The following SHISA5 variants were observed in gnomAD, a reference collection of about 807,000 sequenced individuals.
SHISA5 encodes shisa family member 5.
In SHISA5, 21 loss-of-function variants were observed where a neutral mutation model predicts 27.5. The observed-to-expected ratio is 0.76, with a 90% CI of 0.54 to 1.10. SHISA5 has a LOEUF of 1.10. Among genes scored for constraint, SHISA5 ranks in the 50% least tolerant of loss-of-function variants. The pLI, the probability that SHISA5 is intolerant of heterozygous loss-of-function variation, is 0.00. For synonymous variants in SHISA5, 137 were observed against 142.2 expected, an observed-to-expected ratio of 0.96 and a Z score of 0.26; for missense variants, 314 against 336.3, an observed-to-expected ratio of 0.93 and a Z score of 0.52.
At chr3:48,485,794 T>C (rs1198242096) in intron 2 of SHISA5, among the ~76,000 whole-genome samples, 2 of 151,314 alleles carry the variant, frequency 1.3e-5, no homozygotes, top group Admixed American at 1.3e-4. Flanking sequence ...GCCTGACAGC[T>C]GAGGTCCTTT....
At position 48,468,992 on chromosome 3, in the gene SHISA5, A is replaced by C; in HGVS notation, c.*115T>G. 2 of 1,575,910 alleles carry C rather than the reference A, an allele frequency of 1.3e-6. No individual in the cohort carries two copies. Among genetic ancestry groups the C allele is most frequent in the Non-Finnish European group, 1.7e-6 (2 of 1,157,860 alleles). The stretch of plus-strand genomic sequence containing the variant: ...GACACACACAGCACACATGGGGCGT[A>C]AGGAACCGTGCCTGGACACACACAG... On this transcript the variant is annotated 3_prime_UTR_variant, in exon 6 of 6. Transcript: ENST00000296444.
At chr3:48,492,507 C>T (rs934507049) in intron 2 of SHISA5, among the ~76,000 whole-genome samples, 1 of 147,746 alleles carries the variant, frequency 6.8e-6, no homozygotes, top group Non-Finnish European at 1.5e-5. Context: ...TAGATGAGAT[C>T]ATGAGGGTGA....
chr3:48,468,958 T>G lies in SHISA5; in HGVS notation c.*149A>C. On this transcript the variant is annotated 3_prime_UTR_variant, in exon 6 of 6. Coordinates refer to ENST00000296444, the MANE Select transcript of SHISA5 (RefSeq NM_016479.6). ...TGTCAGCATCAGAGGAAGCCACATA[T>G]ACAGGCAGGACACACACAGCACACA... The G allele has an allele frequency of 6.3e-7, 1 of 1,578,018 alleles. No homozygotes were observed. Among genetic ancestry groups the G allele is most frequent in the Non-Finnish European group, 8.5e-7 (1 of 1,169,912 alleles).
intron 2 of SHISA5, chr3:48,479,498 CAGATTT>C: frequency 3.7e-6 from 2 of 533,748 alleles, no homozygotes; most frequent in Non-Finnish European, 6.7e-6. Flanking sequence ...CAAGTCTCAG[CAGATTT>C]TAGAAGACAG....
At chr3:48,503,982 C>G (rs1355524922) in intron 1 of SHISA5, 37 bp downstream of exon 1, 44 of 1,455,550 alleles carry the variant, frequency 3.0e-5, no homozygotes, top group Non-Finnish European at 4.0e-5. Context: ...TCTGCCCGGT[C>G]CCAGGGCAGG....
chr3:48,478,858 C>T lies in SHISA5; in HGVS notation c.314+319G>A, dbSNP rs192184392. On this transcript the variant is annotated intron_variant, in intron 3 of 5. Coordinates refer to ENST00000296444, the MANE Select transcript of SHISA5 (RefSeq NM_016479.6). ...TCGCATGCCCACTACAGCCCCTTCT[C>T]TGTCACTCCTGCCCCCATCGGGACC... is the stretch of plus-strand genomic sequence containing the variant. Among the ~76,000 whole-genome samples, 128 of 152,220 alleles carry T rather than the reference C, an allele frequency of 8.4e-4. 1 individual carries two copies. In the South Asian group the frequency reaches 8.5e-3, roughly 10 times the overall value.
chr3:48,502,240 A>G (rs2041778494), intron 1 of SHISA5: 1 of 368,770 alleles, frequency 2.7e-6, no homozygotes. Flanking sequence ...TGGGCACCAC[A>G]ACTGCAGGGG....
intron 3 of SHISA5, among the ~76,000 whole-genome samples, chr3:48,474,153 T>C (rs1346988329): frequency 6.6e-6 from 1 of 151,904 alleles, no homozygotes; most frequent in Non-Finnish European, 1.5e-5. Flanking sequence ...AGTGGCACGA[T>C]CACAGCTCAC....
At chr3:48,503,996 G>T in intron 1 of SHISA5, 23 bp downstream of exon 1, 1 of 1,458,072 alleles carries the variant, frequency 6.9e-7, no homozygotes, top group Non-Finnish European at 9.1e-7. Flanking sequence ...GGGCAGGACG[G>T]GCCGCCCCCA....
chr3:48,503,644 A>G (rs1468813443), intron 1 of SHISA5: 10 of 967,600 alleles, frequency 1.0e-5, no homozygotes, highest in Non-Finnish European at 1.3e-5. Flanking sequence ...ACAGAGGCAA[A>G]GAGGGAAGGC....
chr3:48,503,278 G>T, intron 1 of SHISA5: 1 of 832,578 alleles, frequency 1.2e-6, no homozygotes. Flanking sequence ...ATCAGTGACC[G>T]ACCCTCCTAC....
At chr3:48,488,839 A>T in intron 2 of SHISA5, among the ~76,000 whole-genome samples, 1 of 151,758 alleles carries the variant, frequency 6.6e-6, no homozygotes. Flanking sequence ...GTCTCAAAAA[A>T]AAAAAAAAAA....
chr3:48,497,066 T>C (rs536121361), intron 2 of SHISA5, among the ~76,000 whole-genome samples: 154 of 150,690 alleles, frequency 1.0e-3, no homozygotes, highest in African/African-American at 3.6e-3. Context: ...CCCATCTCTA[T>C]TAAAAATACA....
At chr3:48,480,392 A>G (rs2040970698) in intron 2 of SHISA5, among the ~76,000 whole-genome samples, 1 of 152,230 alleles carries the variant, frequency 6.6e-6, no homozygotes, top group African/African-American at 2.4e-5. Context: ...ATGATCACGA[A>G]GAAGTAATAA....
intron 2 of SHISA5, among the ~76,000 whole-genome samples, chr3:48,497,887 CAA>C (rs58891931): frequency 7.5e-6 from 1 of 132,928 alleles, no homozygotes; most frequent in Admixed American, 7.7e-5. Flanking sequence ...GAGACTGTCT[CAA>C]AAAAAAAAAA....
At chr3:48,486,573 ATATAT>A (rs1229103527) in intron 2 of SHISA5, among the ~76,000 whole-genome samples, 10 of 127,752 alleles carry the variant, frequency 7.8e-5, no homozygotes, top group African/African-American at 3.0e-4. Context: ...TATAGATTTT[ATATAT>A]TATATATTAT....
At position 48,504,163 on chromosome 3, in the gene SHISA5, G is replaced by C; in HGVS notation, c.-69C>G. On this transcript the variant is annotated 5_prime_UTR_variant, in exon 1 of 6. Transcript: ENST00000296444. This position sits in a 1 kb window ranked among gnomAD's most constrained non-coding sequence, Gnocchi z 4.0. ...AGTGCCGCCACAGCCTCAGTGATCC[G>C]CGCGGCCGCCCCTCTCCCTCGCCCC... is the stretch of plus-strand genomic sequence containing the variant. 1.3e-6 allele frequency: 1 copy of C among 747,696 alleles called. No homozygotes were observed. Among genetic ancestry groups the C allele is most frequent in the Non-Finnish European group, 1.9e-6 (1 of 539,668 alleles). The allele number at this position is 747,696 out of a possible 1,614,324, so 46.3% of individuals were successfully genotyped here. A position where few individuals can be genotyped will look rare whatever the true frequency, so the allele number is the denominator to read the frequency against.
rs2040578805 is a variant in SHISA5, at chr3:48,470,722, T to C, written c.315-879A>G. Among the ~76,000 whole-genome samples the C allele has an allele frequency of 6.6e-6, 1 of 152,154 alleles. No homozygotes were observed. The highest frequency in any genetic ancestry group is 6.5e-5 in the Admixed American group (1 of 15,270). ...AGGGCGGATCACCTGAGGTGAGGTGTTCGAGACCAGCCTGGCCAACATGGT... is the reference window on the plus strand; with the variant it reads ...AGGGCGGATCACCTGAGGTGAGGTGCTCGAGACCAGCCTGGCCAACATGGT... On this transcript the variant is annotated intron_variant, in intron 3 of 5. Transcript: ENST00000296444. This position sits in a 1 kb window ranked among gnomAD's most constrained non-coding sequence, Gnocchi z 4.3.
chr3:48,493,980 A>C (rs2041491158), intron 2 of SHISA5, among the ~76,000 whole-genome samples: 1 of 147,672 alleles, frequency 6.8e-6, no homozygotes, highest in African/African-American at 2.7e-5. Context: ...GAGAACACTC[A>C]AAATCTACTT....
Sources: allele counts gnomAD v4.1 joint callset (sites outside exome capture counted in the v4.1 genomes callset), GRCh38; gene constraint gnomAD v4.1.1; non-coding constraint Gnocchi (gnomAD v3.1); transcripts MANE v1.5; gene names NCBI Gene and HGNC (gene_info 2026-07-23, HGNC 2026-07-21).